Variants in ELK3 observed in about 807,000 individuals in gnomAD.
ELK3 encodes ETS transcription factor ELK3.
Under a neutral mutation model 28.9 loss-of-function variants are expected in ELK3, and 10 were observed. The ratio of observed to expected loss-of-function variants is 0.35; its 90% CI spans 0.21 to 0.59. ELK3 has a LOEUF of 0.59. Among genes scored for constraint, ELK3 ranks in the 20% least tolerant of loss-of-function variants. The pLI, the probability that ELK3 is intolerant of heterozygous loss-of-function variation, is 0.82. For missense variants in ELK3, 463 were observed against 517.3 expected (o/e 0.90, Z 1.02); for synonymous variants, 272 against 243.5 (o/e 1.12, Z -1.09).
chr12:96,257,204 C>T lies in ELK3; in HGVS notation c.1003-2527C>T, dbSNP rs553195114. Among the ~76,000 whole-genome samples, 9 of 152,254 alleles carry T rather than the reference C, an allele frequency of 5.9e-5. 1 individual carries two copies. The South Asian group carries it at 1.9e-3, about 32-fold the overall frequency. ...GAGGCTGTGAAGTCTCACACTGTCC[C>T]GGAGATAACCCAGAGCAGGTGTTAT... On this transcript the variant is annotated intron_variant, in intron 3 of 4. Transcript: ENST00000228741.
chr12:96,196,149 C>T (rs138123615), intron 1 of ELK3, among the ~76,000 whole-genome samples: 1 of 152,220 alleles, frequency 6.6e-6, no homozygotes, highest in South Asian at 2.1e-4. Flanking sequence ...GGAGTTTCCG[C>T]TGCTCGGCAC....
chr12:96,206,302 C>T (rs949410020), intron 1 of ELK3, among the ~76,000 whole-genome samples: 9 of 151,964 alleles, frequency 5.9e-5, no homozygotes, highest in African/African-American at 2.2e-4. Context: ...TCTCTTCTTT[C>T]TCTTTCCCTT....
intron 2 of ELK3, among the ~76,000 whole-genome samples, chr12:96,242,276 C>T (rs918072152): frequency 6.6e-6 from 1 of 152,174 alleles, no homozygotes; most frequent in Non-Finnish European, 1.5e-5. Context: ...AGTCAGATTG[C>T]CTGGGTACCA....
chr12:96,210,565 G>GCACACACACACACA (rs56257302), intron 1 of ELK3, among the ~76,000 whole-genome samples: 2 of 146,320 alleles, frequency 1.4e-5, no homozygotes, highest in African/African-American at 5.1e-5. Context: ...GCGGGCGCAC[G>GCACACACACACACA]CACACACACA....
intron 1 of ELK3, among the ~76,000 whole-genome samples, chr12:96,201,553 C>G (rs1455895082): frequency 7.1e-6 from 1 of 141,124 alleles, no homozygotes; most frequent in African/African-American, 2.7e-5. Flanking sequence ...TACACTCCAG[C>G]CTGGGTAACA....
At chr12:96,213,506 A>G (rs1192989652) in intron 1 of ELK3, among the ~76,000 whole-genome samples, 3 of 152,072 alleles carry the variant, frequency 2.0e-5, no homozygotes, top group Admixed American at 1.3e-4. Flanking sequence ...TTCTGTGGGA[A>G]AAAGTCGAAT....
intron 1 of ELK3, among the ~76,000 whole-genome samples, chr12:96,220,937 G>A (rs929562219): frequency 5.9e-5 from 9 of 152,176 alleles, no homozygotes; most frequent in Admixed American, 1.3e-4. Flanking sequence ...TTTGGGTTGA[G>A]TTCAGGTCAC....
intron 2 of ELK3, among the ~76,000 whole-genome samples, chr12:96,238,032 G>A (rs948046549): frequency 1.3e-5 from 2 of 152,162 alleles, no homozygotes; most frequent in Non-Finnish European, 2.9e-5. Context: ...TGGGAGCCTC[G>A]GGTCTCACAT....
Position 96,247,114 on chromosome 12 carries a change from G to C in ELK3, c.382G>C (p.Ala128Pro). Residue 128 changes from alanine to proline, a missense_variant, in exon 3 of 5, where the codon GCC becomes CCC. This residue lies in a region of ELK3 where 408 missense variants were observed against 414.8 expected (regional missense o/e 0.98). Coordinates refer to ENST00000228741, the MANE Select transcript of ELK3 (RefSeq NM_005230.4). The surrounding 1 kb of genome is among the most constrained non-coding windows in gnomAD (Gnocchi z 5.5). ...GREAHKHGLA[A>P]LRSTSRNEYI... ...CGAGGCCCACAAACACGGCCTGGCCGCCCTCAGAAGCACGAGCCGCAACGA... is the reference window on the plus strand; with the variant it reads ...CGAGGCCCACAAACACGGCCTGGCCCCCCTCAGAAGCACGAGCCGCAACGA... 2 of 1,612,246 alleles carry C rather than the reference G, an allele frequency of 1.2e-6. No individual in the cohort carries two copies. Among genetic ancestry groups the C allele is most frequent in the Non-Finnish European group, 1.7e-6 (2 of 1,179,342 alleles).
chr12:96,257,898 C>T (rs539147119), intron 3 of ELK3, among the ~76,000 whole-genome samples: 1 of 152,334 alleles, frequency 6.6e-6, no homozygotes, highest in South Asian at 2.1e-4. Flanking sequence ...TGTATACTTT[C>T]AATTAATTAC....
At chr12:96,234,840 C>G (rs1185457271) in intron 2 of ELK3, among the ~76,000 whole-genome samples, 1 of 152,198 alleles carries the variant, frequency 6.6e-6, no homozygotes, top group Non-Finnish European at 1.5e-5. Context: ...AGGCCCATGC[C>G]TGGGCTTCCA....
chr12:96,263,250 G>A (rs1466255802), intron 4 of ELK3, among the ~76,000 whole-genome samples: 1 of 152,168 alleles, frequency 6.6e-6, no homozygotes, highest in Non-Finnish European at 1.5e-5. Flanking sequence ...GAAGAGGTAT[G>A]CTTTAAAATT....
chr12:96,235,982 T>C (rs1251635305), intron 2 of ELK3, among the ~76,000 whole-genome samples: 2 of 152,190 alleles, frequency 1.3e-5, no homozygotes, highest in East Asian at 1.9e-4. Context: ...TGTGCCACCA[T>C]ACCCGGCTAA....
chr12:96,218,763 C>T (rs1202516688), intron 1 of ELK3, among the ~76,000 whole-genome samples: 1 of 151,668 alleles, frequency 6.6e-6, no homozygotes, highest in Non-Finnish European at 1.5e-5. Context: ...ATTCTCCTGC[C>T]TTAGCCTCCC....
Position 96,260,739 on chromosome 12 carries a change from G to A in ELK3, c.1125+886G>A, listed in dbSNP as rs185394612. On this transcript the variant is annotated intron_variant, in intron 4 of 4. Transcript: ENST00000228741. The stretch of plus-strand genomic sequence containing the variant: ...CTAGGGACAGGACTGAAGAAAAGGT[G>A]GACCCAGTGCAAACTCCCTCTTTCC... Among the ~76,000 whole-genome samples the A allele has an allele frequency of 6.6e-5, 10 of 152,258 alleles. No individual in the cohort carries two copies. In the East Asian group the frequency reaches 1.7e-3, roughly 26 times the overall value.
At chr12:96,219,544 C>T (rs1300778990) in intron 1 of ELK3, among the ~76,000 whole-genome samples, 1 of 152,142 alleles carries the variant, frequency 6.6e-6, no homozygotes, top group African/African-American at 2.4e-5. Flanking sequence ...TAAACTACGT[C>T]GAGTGGAACG....
At chr12:96,253,310 T>A (rs974573735) in intron 3 of ELK3, among the ~76,000 whole-genome samples, 8 of 152,112 alleles carry the variant, frequency 5.3e-5, no homozygotes, top group African/African-American at 1.9e-4. Flanking sequence ...TGTGGCAAAC[T>A]TCATTATTGT....
chr12:96,252,195 G>C (rs1565791018), intron 3 of ELK3, among the ~76,000 whole-genome samples: 1 of 152,150 alleles, frequency 6.6e-6, no homozygotes, highest in Admixed American at 6.5e-5. Context: ...TTTAAGCCCA[G>C]GTGAGACCTA....
intron 2 of ELK3, among the ~76,000 whole-genome samples, chr12:96,246,664 A>AATCATC (rs1376158978): frequency 6.6e-6 from 1 of 152,108 alleles, no homozygotes; most frequent in Non-Finnish European, 1.5e-5. Flanking sequence ...CTGTCTAAGA[A>AATCATC]ATCATCATCA....
Sources: gnomAD v4.1 joint callset for allele counts (sites outside exome capture counted in the v4.1 genomes callset) on GRCh38, gnomAD v4.1.1 for gene constraint, gnomAD v4.1.1 regional missense constraint, Gnocchi (gnomAD v3.1) non-coding constraint, MANE v1.5 for transcripts, NCBI Gene and HGNC (gene_info 2026-07-23, HGNC 2026-07-21) for gene names.